ECEL1: variants seen among roughly 807,000 people sequenced by gnomAD.
The protein encoded by ECEL1 is endothelin-converting enzyme-like 1.
In ECEL1, 87 loss-of-function variants were observed where a neutral mutation model predicts 101.8. The ratio of observed to expected loss-of-function variants is 0.85; its 90% CI spans 0.72 to 1.02. The LOEUF is 1.02. Among genes scored for constraint, ECEL1 ranks in the 50% least tolerant of loss-of-function variants. The pLI is 0.00. For missense variants in ECEL1, 1,032 were observed against 1,079.2 expected (o/e 0.96, Z 0.61); for synonymous variants, 487 against 468.7 (o/e 1.04, Z -0.50).
chr2:232,484,069 G>A lies in ECEL1; in HGVS notation c.1339C>T (p.Arg447Cys), dbSNP rs780340714. The A allele has an allele frequency of 6.2e-6, 10 of 1,613,124 alleles. No homozygotes were observed. Among genetic ancestry groups the A allele is most frequent in the Middle Eastern group, 1.7e-4 (1 of 6,056 alleles). Reference protein sequence around the residue: ...LARVCLGQANRHFGMALGALF... With the variant: ...LARVCLGQANCHFGMALGALF... Reference sequence around the variant, plus strand: ...GCGCCAAGCGCCATGCCAAAGTGGCGATTGGCCTGGCCCAAGCAGACCCGG... The same window carrying A: ...GCGCCAAGCGCCATGCCAAAGTGGCAATTGGCCTGGCCCAAGCAGACCCGG... The change falls in exon 7 of 18, where the codon CGC (arginine) becomes TGC (cysteine). Residue 447 changes from arginine to cysteine, a missense_variant. Physicochemically the swap from Arg to Cys is radical, Grantham distance 180 (BLOSUM62 -3). Transcript: ENST00000304546.
At chr2:232,482,306 C>CCAGCTGGGTTCAGGAGTCAGGA in intron 12 of ECEL1, 112 bp downstream of exon 12, 1 of 1,463,906 alleles carries the variant, frequency 6.8e-7, no homozygotes, top group Non-Finnish European at 9.5e-7. Flanking sequence ...ACTCCTGAAC[C>CCAGCTGGGTTCAGGAGTCAGGA]CAGCTGGGTC....
chr2:232,481,686 C>A, intron 13 of ECEL1, 56 bp from the exon 14 acceptor site: 2 of 1,605,160 alleles, frequency 1.2e-6, no homozygotes, highest in East Asian at 2.2e-5. Flanking sequence ...CTCCCCTCCC[C>A]ACCCACCAGC....
rs941687472 is a variant in ECEL1, at chr2:232,483,905, G to A, written c.1407+96C>T. 69 of 1,345,428 alleles carry A rather than the reference G, an allele frequency of 5.1e-5. No homozygotes were observed. In the South Asian group the frequency reaches 9.0e-4, roughly 17 times the overall value. The allele number at this position is 1,345,428 out of a possible 1,614,324, so 83.3% of individuals were successfully genotyped here. A position where few individuals can be genotyped will look rare whatever the true frequency, so the allele number is the denominator to read the frequency against. On this transcript the variant is annotated intron_variant, in intron 7 of 17. Coordinates refer to ENST00000304546, the MANE Select transcript of ECEL1 (RefSeq NM_004826.4). ...CAGGGCCTGGTCCCCCTGCCTGCAG[G>A]GGACATGTGGGGCTCCCCATATTAG...
chr2:232,486,549 CG>C lies in ECEL1; in HGVS notation c.104del (p.Pro35ArgfsTer168). On this transcript the variant is annotated frameshift_variant, in exon 2 of 18. Transcript: ENST00000304546. LOFTEE classifies it high-confidence loss of function. ...TGCGCGCAGCGCCCAACGGGAAGCC[CG>C]GGGGCAGGGAGGCCCCGCGCGCGCC... The part of the protein sequence containing the change: ...AGGARGASLP[P>X]GFPLGAARSA... 4 of 1,354,462 alleles carry C rather than the reference CG, an allele frequency of 3.0e-6. No homozygotes were observed. Among genetic ancestry groups the C allele is most frequent in the South Asian group, 1.8e-5 (1 of 54,066 alleles). 83.9% of individuals were successfully genotyped at this position (1,354,462 alleles called of 1,614,324 possible).
In ECEL1 at chr2:232,483,406, C is replaced by G; in HGVS notation, c.1506+10G>C. On this transcript the variant is annotated intron_variant, in intron 8 of 17. Transcript: ENST00000304546. ...ATGGGACCAACCAATGACACTGGGTCCCCCCTCACCTTGGCCCGAGCAGCA... is the reference window on the plus strand; with the variant it reads ...ATGGGACCAACCAATGACACTGGGTGCCCCCTCACCTTGGCCCGAGCAGCA... The G allele has an allele frequency of 6.3e-7, 1 of 1,595,864 alleles. No individual in the cohort carries two copies. The highest frequency in any genetic ancestry group is 2.2e-5 in the East Asian group (1 of 44,760).
chr2:232,485,314 T>C (rs1170965706), intron 2 of ECEL1, 47 bp from the exon 3 acceptor site: 7 of 1,600,200 alleles, frequency 4.4e-6, no homozygotes, highest in Non-Finnish European at 6.0e-6. Flanking sequence ...ACACCTCAGG[T>C]TCCCTAAACA....
intron 1 of ECEL1, among the ~76,000 whole-genome samples, 156 bp from the exon 2 acceptor site, chr2:232,486,910 C>T (rs867626155): frequency 1.3e-5 from 2 of 152,130 alleles, no homozygotes; most frequent in African/African-American, 2.4e-5. Context: ...GGGGCCACCA[C>T]CCCCGGGTGC....
At chr2:232,483,084 G>C (rs376977206) in intron 9 of ECEL1, 21 bp downstream of exon 9, 3 of 1,610,370 alleles carry the variant, frequency 1.9e-6, no homozygotes, top group African/African-American at 2.7e-5. Flanking sequence ...GACAGGCTGG[G>C]CAGGCAGGGT....
At chr2:232,481,217 T>C in intron 14 of ECEL1, 61 bp from the exon 15 acceptor site, 1 of 1,534,012 alleles carries the variant, frequency 6.5e-7, no homozygotes, top group Non-Finnish European at 8.8e-7. Context: ...CCTCAGGCAT[T>C]GATACCCTGG....
At chr2:232,482,660 C>T in intron 10 of ECEL1, 52 bp from the exon 11 acceptor site, 1 of 1,571,986 alleles carries the variant, frequency 6.4e-7, no homozygotes. Flanking sequence ...TCCCCCGCTA[C>T]CCTCACATCA....
intron 16 of ECEL1, 52 bp downstream of exon 16, chr2:232,480,666 G>A: frequency 6.3e-7 from 1 of 1,592,562 alleles, no homozygotes; most frequent in African/African-American, 1.3e-5. Flanking sequence ...ACTGACCCTG[G>A]ATGCCGTGTC....
rs745571173 is a variant in ECEL1, at chr2:232,482,565, TGGGTA to T, written c.1724_1728del (p.Leu575GlnfsTer20). On this transcript the variant is annotated frameshift_variant, in exon 11 of 18. Coordinates refer to ENST00000304546, the MANE Select transcript of ECEL1 (RefSeq NM_004826.4). LOFTEE classifies it high-confidence loss of function. ...ATCCCCTTACCCATCTGGTTCTTGT[TGGGTA>T]GATAGTAGGCATTGAGCGCCTGTGG... 1.2e-6 allele frequency: 2 copies of T among 1,613,628 alleles called. No homozygotes were observed. Among genetic ancestry groups the T allele is most frequent in the African/African-American group, 2.7e-5 (2 of 74,902 alleles).
In ECEL1 at chr2:232,485,192, C is replaced by T. The variant is rs536326026; in HGVS notation, c.855+7G>A. ...CTTCCCTGCCTCCCCATCCCATGCC[C>T]CAGCACCTTCTCACTGTCCTCATCC... On this transcript the variant is annotated splice_region_variant and intron_variant, in intron 3 of 17. Coordinates refer to ENST00000304546, the MANE Select transcript of ECEL1 (RefSeq NM_004826.4). 10 of 1,613,614 alleles carry T rather than the reference C, an allele frequency of 6.2e-6. No individual in the cohort carries two copies. The Admixed American group carries it at 6.7e-5, about 11-fold the overall frequency.
rs144709114 is a variant in ECEL1 at position 232,484,831 on chromosome 2, C to A, written c.1029G>T (p.Thr343=). The A allele has an allele frequency of 1.2e-6, 2 of 1,614,030 alleles. No individual in the cohort carries two copies. The highest frequency in any genetic ancestry group is 1.7e-5 in the Admixed American group (1 of 60,028). The part of the protein sequence containing the change: ...RDVSSMYNKV[T]LGQLQKITPH... ...GGGTGATCTTCTGCAGCTGCCCCAG[C>A]GTCACCTTGTTGTACATGGAGCTGA... Residue 343 remains threonine, a synonymous_variant, in exon 5 of 18, where the codon ACG becomes ACT. Transcript: ENST00000304546.
intron 8 of ECEL1, 91 bp downstream of exon 8, chr2:232,483,325 G>A: frequency 6.4e-7 from 1 of 1,551,242 alleles, no homozygotes; most frequent in Non-Finnish European, 8.8e-7. Context: ...ACTCCACGAA[G>A]GCCTCTTTGT....
chr2:232,481,073 C>A lies in ECEL1; in HGVS notation c.2055+18G>T, dbSNP rs777108505. 2.7e-5 allele frequency: 42 copies of A among 1,553,492 alleles called. No homozygotes were observed. The highest frequency in any genetic ancestry group is 1.8e-4 in the Admixed American group (9 of 51,382). The stretch of plus-strand genomic sequence containing the variant: ...CGTCCCTCCTGCAGCAGGGGTGGAG[C>A]ACAGGCAGGCCGCTCACGTGGTAGG... On this transcript the variant is annotated intron_variant, in intron 15 of 17. Transcript: ENST00000304546.
In ECEL1 at chr2:232,486,533, C is replaced by A. The variant is rs550376688; in HGVS notation, c.121G>T (p.Ala41Ser). ...ASLPPGFPLG[A>S]ARSATGARSG... The stretch of plus-strand genomic sequence containing the variant: ...CGGGCCCCGGTGGCGCTGCGCGCAG[C>A]GCCCAACGGGAAGCCCGGGGGCAGG... The change falls in exon 2 of 18, where the codon GCT becomes TCT. Residue 41 changes from alanine to serine, a missense_variant. Physicochemically the swap from Ala to Ser is moderately conservative, Grantham distance 99. Coordinates refer to ENST00000304546, the MANE Select transcript of ECEL1 (RefSeq NM_004826.4). The A allele has an allele frequency of 5.2e-6, 7 of 1,341,926 alleles. No individual in the cohort carries two copies. The East Asian group carries it at 1.2e-4, about 24-fold the overall frequency. 83.1% of individuals were successfully genotyped at this position (1,341,926 alleles called of 1,614,324 possible).
Position 232,481,112 on chromosome 2 carries a change from G to A in ECEL1, c.2034C>T (p.Gly678=), listed in dbSNP as rs201973394. The change falls in exon 15 of 18, where the codon GGC becomes GGT. Residue 678 remains glycine (G), a synonymous_variant. Transcript: ENST00000304546. ...HTLGENIADM[G]GLKLAYHAYQ... is the part of the protein sequence containing the mutation. ...TCACGTGGTAGGCCAGCTTGAGGCC[G>A]CCCATATCTGCGATGTTCTCCCCAA... The A allele has an allele frequency of 9.5e-5, 149 of 1,565,670 alleles. No individual in the cohort carries two copies. Among genetic ancestry groups the A allele is most frequent in the Non-Finnish European group, 3.9e-5 (45 of 1,155,158 alleles).
rs908058404 is a variant in ECEL1, at chr2:232,480,702, C to G, written c.2151+16G>C. Reference sequence around the variant, plus strand: ...CCCACCCCAAGGCTCCCAGTCCAATCCCCCACCCAGCCCACCTGGGCAAAG... The same window carrying G: ...CCCACCCCAAGGCTCCCAGTCCAATGCCCCACCCAGCCCACCTGGGCAAAG... On this transcript the variant is annotated intron_variant, in intron 16 of 17. Transcript: ENST00000304546. 1 of 1,613,212 alleles carries G rather than the reference C, an allele frequency of 6.2e-7. No individual in the cohort carries two copies. The highest frequency in any genetic ancestry group is 8.5e-7 in the Non-Finnish European group (1 of 1,179,504).
Sources: allele counts gnomAD v4.1 joint callset (sites outside exome capture counted in the v4.1 genomes callset), GRCh38; gene constraint gnomAD v4.1.1; transcripts MANE v1.5; gene names NCBI Gene and HGNC (gene_info 2026-07-23, HGNC 2026-07-21).